MAGI2: variants seen among roughly 807,000 people sequenced by gnomAD.
MAGI2 encodes the protein membrane associated guanylate kinase, WW and PDZ domain containing 2, also known as membrane-associated guanylate kinase, WW and PDZ domain-containing protein 2.
Under a neutral mutation model 133.3 loss-of-function variants are expected in MAGI2, and 35 were observed. The observed-to-expected ratio is 0.26, with a 90% confidence interval of 0.20 to 0.35. The LOEUF (loss-of-function observed/expected upper bound fraction) is 0.35. Among genes scored for constraint, MAGI2 ranks in the 10% least tolerant of loss-of-function variants. The pLI, the probability that MAGI2 is intolerant of heterozygous loss-of-function variation, is 1.00. For synonymous variants in MAGI2, 729 were observed against 710.6 expected (o/e 1.03, Z -0.41); for missense variants, 1,636 against 1,863.4 (o/e 0.88, Z 2.25).
At chr7:78,168,176 A>G in intron 14 of MAGI2, 68 bp from the exon 15 acceptor site, 1 of 1,363,000 alleles carries the variant, frequency 7.3e-7, no homozygotes, top group Non-Finnish European at 1.0e-6. Flanking sequence ...TTTTTTTCGA[A>G]ACAGAGTCTC....
chr7:78,149,253 C>G (rs1398998159), intron 16 of MAGI2, among the ~76,000 whole-genome samples: 3 of 152,126 alleles, frequency 2.0e-5, no homozygotes, highest in Admixed American at 1.3e-4. Context: ...CAGTGCTAAC[C>G]TAGAACCTTA....
At chr7:78,857,297 G>A (rs527448899) in intron 2 of MAGI2, among the ~76,000 whole-genome samples, 3,771 of 151,776 alleles carry the variant, frequency 0.025, 65 homozygotes, top group Middle Eastern at 0.048. Flanking sequence ...ATGTTGAATA[G>A]GAGTGGTGAG....
At chr7:78,676,111 G>C (rs1456970922) in intron 2 of MAGI2, among the ~76,000 whole-genome samples, 2 of 152,032 alleles carry the variant, frequency 1.3e-5, no homozygotes, top group East Asian at 3.9e-4. Context: ...ATATGCAATA[G>C]AATAAAAAAT....
intron 3 of MAGI2, among the ~76,000 whole-genome samples, chr7:78,545,401 AGGGGATT>A (rs2150683358): frequency 6.6e-6 from 1 of 151,948 alleles, no homozygotes; most frequent in African/African-American, 2.4e-5. Flanking sequence ...TTAGCAGAGA[AGGGGATT>A]CGCCATGTTG....
chr7:78,770,041 T>C (rs1345454703), intron 2 of MAGI2, among the ~76,000 whole-genome samples: 1 of 152,218 alleles, frequency 6.6e-6, no homozygotes, highest in East Asian at 1.9e-4. Flanking sequence ...AGCAGATTCT[T>C]GACCAGGGCA....
At chr7:78,898,858 C>T (rs1416047525) in intron 2 of MAGI2, among the ~76,000 whole-genome samples, 2 of 152,104 alleles carry the variant, frequency 1.3e-5, no homozygotes, top group African/African-American at 2.4e-5. Context: ...TATTTAATAA[C>T]ATTTCCCTTC....
intron 5 of MAGI2, among the ~76,000 whole-genome samples, chr7:78,497,492 T>C (rs150175571): frequency 1.3e-5 from 2 of 152,240 alleles, no homozygotes; most frequent in Middle Eastern, 3.4e-3. Flanking sequence ...ATGCAGAACC[T>C]CTAAAACTTC....
chr7:79,440,275 C>T (rs1053007523), intron 1 of MAGI2, among the ~76,000 whole-genome samples: 1 of 151,836 alleles, frequency 6.6e-6, no homozygotes, highest in African/African-American at 2.4e-5. Context: ...TAATTACATG[C>T]ACTCCTGGGT....
intron 2 of MAGI2, among the ~76,000 whole-genome samples, chr7:78,762,479 GA>G (rs370959861): frequency 2.0e-3 from 296 of 148,294 alleles, no homozygotes; most frequent in African/African-American, 7.0e-3. Flanking sequence ...ACAAAGAAAA[GA>G]AAAAAAAACA....
chr7:79,136,068 G>GGAAAGAAAGAAAGAAA (rs368094018), intron 1 of MAGI2, among the ~76,000 whole-genome samples: 44 of 94,646 alleles, frequency 4.6e-4, no homozygotes, highest in East Asian at 9.6e-4. Flanking sequence ...AAAGAAAGAA[G>GGAAAGAAAGAAAGAAA]GAAAGAAAGA....
At chr7:78,446,120 C>G (rs891110231) in intron 6 of MAGI2, among the ~76,000 whole-genome samples, 10 of 150,034 alleles carry the variant, frequency 6.7e-5, no homozygotes, top group Non-Finnish European at 1.0e-4. Flanking sequence ...TTATGTTTCT[C>G]TGAATTTTTT....
intron 2 of MAGI2, among the ~76,000 whole-genome samples, chr7:78,929,451 G>T (rs1476334422): frequency 2.0e-5 from 3 of 151,996 alleles, no homozygotes; most frequent in African/African-American, 7.2e-5. Context: ...CATTTCTGGA[G>T]ATCAGAAGTA....
chr7:79,367,858 C>CACATATATATATATATGTGACACAT, intron 1 of MAGI2, among the ~76,000 whole-genome samples: 2,765 of 87,126 alleles, frequency 0.032, 260 homozygotes, highest in African/African-American at 0.12. Flanking sequence ...ATATATGTGA[C>CACATATATATATATATGTGACACAT]ATATATATAT....
chr7:78,926,299 A>G (rs963154294), intron 2 of MAGI2, among the ~76,000 whole-genome samples: 4 of 152,064 alleles, frequency 2.6e-5, no homozygotes, highest in Non-Finnish European at 2.9e-5. Flanking sequence ...CCAGAACTCC[A>G]TATAATGCCT....
chr7:79,173,260 C>T (rs1825786605), intron 1 of MAGI2, among the ~76,000 whole-genome samples: 1 of 151,888 alleles, frequency 6.6e-6, no homozygotes, highest in African/African-American at 2.4e-5. Flanking sequence ...ATAAAAAAAG[C>T]AGTGTCATGT....
intron 2 of MAGI2, among the ~76,000 whole-genome samples, chr7:78,941,291 A>G (rs1324890909): frequency 6.6e-6 from 1 of 152,082 alleles, no homozygotes; most frequent in African/African-American, 2.4e-5. Flanking sequence ...TCAAAACCTA[A>G]CAAGATCTTT....
At chr7:79,184,301 T>C (rs572891082) in intron 1 of MAGI2, among the ~76,000 whole-genome samples, 2 of 151,606 alleles carry the variant, frequency 1.3e-5, no homozygotes, top group African/African-American at 4.8e-5. Context: ...CATTATACTA[T>C]ACCCAATGTG....
At chr7:78,746,119 G>C (rs750659446) in intron 2 of MAGI2, among the ~76,000 whole-genome samples, 1 of 152,144 alleles carries the variant, frequency 6.6e-6, no homozygotes, top group African/African-American at 2.4e-5. Flanking sequence ...GCTTCACTTT[G>C]TCATAATTAA....
intron 11 of MAGI2, among the ~76,000 whole-genome samples, chr7:78,198,609 T>A (rs1343194158): frequency 1.3e-5 from 2 of 152,138 alleles, no homozygotes; most frequent in African/African-American, 2.4e-5. Context: ...TTTTTGTATT[T>A]TTAGTAGAGA....
Sources: gnomAD v4.1 joint callset for allele counts (sites outside exome capture counted in the v4.1 genomes callset) on GRCh38, gnomAD v4.1.1 for gene constraint, MANE v1.5 for transcripts, NCBI Gene and HGNC (gene_info 2026-07-23, HGNC 2026-07-21) for gene names.